PCDHA3: variants seen among roughly 807,000 people sequenced by gnomAD.
PCDHA3 encodes the protein protocadherin alpha 3, also known as protocadherin alpha-3.
A neutral mutation model predicts 62.2 loss-of-function variants in PCDHA3; 41 were observed. The observed-to-expected ratio is 0.66, with a 90% CI of 0.51 to 0.86. The LOEUF (loss-of-function observed/expected upper bound fraction) is 0.86, where lower values mean the gene tolerates loss of function less well. Ranked by LOEUF, PCDHA3 falls within the 40% of genes least tolerant of loss-of-function variation. The probability of loss-of-function intolerance (pLI) is 0.00; values close to 1 mark genes in which losing one functional copy is unlikely to be tolerated. For missense variants in PCDHA3, 1,304 were observed against 1,241.2 expected, an observed-to-expected ratio of 1.05 and a Z score of -0.76; for synonymous variants, 640 against 555.4, an observed-to-expected ratio of 1.15 and a Z score of -2.14.
intron 1 of PCDHA3, among the ~76,000 whole-genome samples, chr5:140,978,171 G>C (rs1386184793): frequency 6.6e-6 from 1 of 152,186 alleles, no homozygotes; most frequent in Non-Finnish European, 1.5e-5. Context: ...AGAGTTTGTA[G>C]AGAGAGGGCA....
Position 140,803,100 on chromosome 5 carries a change from C to G in PCDHA3, c.1903C>G (p.Arg635Gly), listed in dbSNP as rs139788338. Residue 635 changes from arginine to glycine, a missense_variant, in exon 1 of 4, where the codon CGT becomes GGT. Physicochemically the swap from Arg to Gly is moderately radical, Grantham distance 125 (BLOSUM62 -2). Transcript: ENST00000522353. ...GLYTGEISTTRALDEVDAPRH... is the reference protein window; with the variant it reads ...GLYTGEISTTGALDEVDAPRH... ...GTACACGGGAGAGATCAGCACGACC[C>G]GTGCCCTGGACGAGGTGGACGCCCC... 714 of 1,613,874 alleles carry G rather than the reference C, an allele frequency of 4.4e-4. No homozygotes were observed. Among genetic ancestry groups the G allele is most frequent in the Non-Finnish European group, 5.8e-4 (686 of 1,179,944 alleles).
At chr5:140,809,305 G>T in intron 1 of PCDHA3, 1 of 1,614,114 alleles carries the variant, frequency 6.2e-7, no homozygotes, top group Non-Finnish European at 8.5e-7. Context: ...CCATCTGCGC[G>T]GTGTCCAGCC....
At chr5:140,967,219 C>G in intron 1 of PCDHA3, 1 of 1,613,772 alleles carries the variant, frequency 6.2e-7, no homozygotes, top group Non-Finnish European at 8.5e-7. Flanking sequence ...TCCCGCGGCC[C>G]AACTACCAGC....
intron 1 of PCDHA3, among the ~76,000 whole-genome samples, chr5:140,931,210 G>A (rs1326851548): frequency 6.6e-6 from 1 of 152,064 alleles, no homozygotes; most frequent in African/African-American, 2.4e-5. Flanking sequence ...TAGTATTTCA[G>A]GTATCAGAGC....
chr5:140,910,869 C>T (rs2153516135), intron 1 of PCDHA3, among the ~76,000 whole-genome samples: 1 of 152,264 alleles, frequency 6.6e-6, no homozygotes, highest in Non-Finnish European at 1.5e-5. Context: ...CCACCATTAT[C>T]CCACACCCTT....
At chr5:140,866,812 C>A (rs1172521123) in intron 1 of PCDHA3, 1 of 152,120 alleles carries the variant, frequency 6.6e-6, no homozygotes, top group Non-Finnish European at 1.5e-5. Context: ...CACAAAGTTC[C>A]TTAATCTTCA....
In PCDHA3 at chr5:140,801,444, A is replaced by G. The variant is rs1554121478; in HGVS notation, c.247A>G (p.Ile83Val). ...TCTGGAGGTAAATCTGCAGAATGGC[A>G]TTTTGTTTGTGAATTCTCGGATAGA... ...DLLEVNLQNGILFVNSRIDRE... is the reference protein window; with the variant it reads ...DLLEVNLQNGVLFVNSRIDRE... Residue 83 changes from isoleucine to valine, a missense_variant, in exon 1 of 4, where the codon ATT becomes GTT. By Grantham distance (29) the Ile-to-Val change is conservative. Transcript: ENST00000522353. The G allele has an allele frequency of 1.9e-6, 3 of 1,613,942 alleles. No homozygotes were observed. Among genetic ancestry groups the G allele is most frequent in the East Asian group, 2.2e-5 (1 of 44,882 alleles).
chr5:140,801,518 G>A lies in PCDHA3; in HGVS notation c.321G>A (p.Glu107=), dbSNP rs1554121524. ...GCGCGGAGTGCAGCATCCACCTGGA[G>A]GTGATCGTGGACAGGCCGCTGCAGG... ...GRSAECSIHL[E]VIVDRPLQVF... is the part of the protein sequence containing the mutation. Residue 107 remains glutamate (E), a synonymous_variant, in exon 1 of 4, where the codon GAG becomes GAA. Transcript: ENST00000522353. The A allele has an allele frequency of 6.2e-7, 1 of 1,614,096 alleles. No homozygotes were observed. The highest frequency in any genetic ancestry group is 8.5e-7 in the Non-Finnish European group (1 of 1,180,056).
chr5:140,897,368 GTTCCC>G (rs533733561), intron 1 of PCDHA3, among the ~76,000 whole-genome samples: 1,322 of 125,926 alleles, frequency 0.01, 14 homozygotes, highest in African/African-American at 0.03. Flanking sequence ...AGAGTGTGAT[GTTCCC>G]TTCCCCTTCC....
intron 1 of PCDHA3, among the ~76,000 whole-genome samples, chr5:140,894,646 C>A (rs1481747888): frequency 2.0e-5 from 3 of 151,766 alleles, no homozygotes; most frequent in African/African-American, 7.3e-5. Flanking sequence ...ATTACTGAGT[C>A]TCTCTAATTC....
At chr5:140,858,600 T>TA (rs1554151860) in intron 1 of PCDHA3, 1 of 1,293,862 alleles carries the variant, frequency 7.7e-7, no homozygotes, top group Non-Finnish European at 1.1e-6. Context: ...CCAGGAGTTT[T>TA]AAAATTTTTT....
At chr5:140,947,275 T>G (rs246050) in intron 1 of PCDHA3, among the ~76,000 whole-genome samples, 85,352 of 151,290 alleles carry the variant, frequency 0.56, 24,679 homozygotes, top group African/African-American at 0.69. Context: ...GAAAATACTT[T>G]TTCTTTTTAT....
intron 1 of PCDHA3, among the ~76,000 whole-genome samples, chr5:140,894,384 T>A (rs1554186071): frequency 6.6e-6 from 1 of 152,046 alleles, no homozygotes; most frequent in Admixed American, 6.5e-5. Flanking sequence ...ATTATATTTG[T>A]ATTAGATATT....
chr5:140,967,034 C>T (rs782810130), intron 1 of PCDHA3: 9 of 1,610,726 alleles, frequency 5.6e-6, no homozygotes, highest in Non-Finnish European at 2.5e-6. Flanking sequence ...TCCGCGCTAC[C>T]TGGAGCTGGA....
intron 1 of PCDHA3, chr5:140,851,113 A>C: frequency 1.5e-6 from 2 of 1,303,480 alleles, no homozygotes; most frequent in East Asian, 5.4e-5. Context: ...GTGCTGAATC[A>C]ATTTTATTTA....
Position 140,928,044 on chromosome 5 carries a change from T to C in PCDHA3, c.2395-50905T>C, listed in dbSNP as rs782342331. The C allele has an allele frequency of 4.6e-5, 75 of 1,614,078 alleles. 1 individual carries two copies. The highest frequency in any genetic ancestry group is 3.0e-4 in the Admixed American group (18 of 60,006). On this transcript the variant is annotated intron_variant, in intron 1 of 3. Transcript: ENST00000522353. The stretch of plus-strand genomic sequence containing the variant: ...TTTGTGGCATGTCTAGTGCAGGCCC[T>C]TTTCAGCTGACGGCTTCCTTTGACA...
At chr5:140,829,405 C>G (rs17853692) in intron 1 of PCDHA3, 14 of 1,614,152 alleles carry the variant, frequency 8.7e-6, no homozygotes, top group South Asian at 4.4e-5. Flanking sequence ...TGTGGGCCAC[C>G]GCCAGCTTGT....
At chr5:140,925,978 T>G (rs2082847274) in intron 1 of PCDHA3, among the ~76,000 whole-genome samples, 1 of 152,164 alleles carries the variant, frequency 6.6e-6, no homozygotes, top group Admixed American at 6.5e-5. Flanking sequence ...AAAAAAGCCT[T>G]GAGCTCGCTG....
At chr5:140,880,281 C>T (rs2058294062) in intron 1 of PCDHA3, among the ~76,000 whole-genome samples, 2 of 152,074 alleles carry the variant, frequency 1.3e-5, no homozygotes. Flanking sequence ...AGAAGTTTGA[C>T]TATCTTCATA....
Sources: gnomAD v4.1 joint callset for allele counts (sites outside exome capture counted in the v4.1 genomes callset) on GRCh38, gnomAD v4.1.1 for gene constraint, MANE v1.5 for transcripts, NCBI Gene and HGNC (gene_info 2026-07-23, HGNC 2026-07-21) for gene names.